Variants in CASC3 observed in about 807,000 individuals in gnomAD.
CASC3 encodes the protein CASC3 exon junction complex subunit.
In CASC3, 30 loss-of-function variants were observed where a neutral mutation model predicts 80.5. The ratio of observed to expected loss-of-function variants is 0.37; its 90% CI spans 0.28 to 0.51. The LOEUF is 0.51. Ranked by LOEUF, CASC3 falls within the 20% of genes least tolerant of loss-of-function variation. CASC3 has a pLI of 0.94. For missense variants in CASC3, 824 were observed against 922.2 expected, an observed-to-expected ratio of 0.89 and a Z score of 1.38; for synonymous variants, 312 against 333.6, an observed-to-expected ratio of 0.94 and a Z score of 0.70.
In CASC3 at chr17:40,171,840, C is replaced by T; in HGVS notation, c.*1435C>T. 1.7e-6 allele frequency: 2 copies of T among 1,186,642 alleles called. No homozygotes were observed. The allele number at this position is 1,186,642 out of a possible 1,614,324, so 73.5% of individuals were successfully genotyped here. A position where few individuals can be genotyped will look rare whatever the true frequency, so the allele number is the denominator to read the frequency against. ...AGCAGCTGGCCTAATCACTCTGAGT[C>T]ACAGGTGTGGGATGGAGAGTGGGGA... On this transcript the variant is annotated 3_prime_UTR_variant, in exon 14 of 14. Transcript: ENST00000264645.
In CASC3 at chr17:40,172,082, G is replaced by A; in HGVS notation, c.*1677G>A. ...TTTAGTTGCAAGGATTTTTCCATGT[G>A]TGGTGGTGTTTTTTGTTACTGTTTT... On this transcript the variant is annotated 3_prime_UTR_variant, in exon 14 of 14. Coordinates refer to ENST00000264645, the MANE Select transcript of CASC3 (RefSeq NM_007359.5). 1 of 1,289,954 alleles carries A rather than the reference G, an allele frequency of 7.8e-7. No homozygotes were observed. The highest frequency in any genetic ancestry group is 1.0e-6 in the Non-Finnish European group (1 of 988,864). The allele number at this position is 1,289,954 out of a possible 1,614,324, so 79.9% of individuals were successfully genotyped here.
At chr17:40,161,479 G>C (rs1037720820) in intron 3 of CASC3, among the ~76,000 whole-genome samples, 3 of 152,172 alleles carry the variant, frequency 2.0e-5, no homozygotes, top group Non-Finnish European at 4.4e-5. Flanking sequence ...AGGAGTTCAA[G>C]ACCAGCCTGG....
intron 3 of CASC3, among the ~76,000 whole-genome samples, chr17:40,156,562 G>A (rs896181466): frequency 3.9e-5 from 6 of 151,962 alleles, no homozygotes; most frequent in African/African-American, 1.2e-4. Context: ...GGTGGCGGGC[G>A]CCTGTAGTCC....
At chr17:40,159,553 T>G (rs1170444375) in intron 3 of CASC3, among the ~76,000 whole-genome samples, 21 of 138,196 alleles carry the variant, frequency 1.5e-4, no homozygotes, top group African/African-American at 2.0e-4. Flanking sequence ...TGTTTTTTTT[T>G]TTTTTTTTTT....
chr17:40,141,295 C>G, intron 2 of CASC3, 61 bp downstream of exon 2: 1 of 1,443,664 alleles, frequency 6.9e-7, no homozygotes, highest in Non-Finnish European at 9.8e-7. Context: ...CTCAGGTCAT[C>G]TATTTCCAAC....
intron 7 of CASC3, among the ~76,000 whole-genome samples, chr17:40,166,529 GA>G (rs71701084): frequency 0.08 from 12,190 of 152,154 alleles, 1,154 homozygotes; most frequent in African/African-American, 0.23. Flanking sequence ...AATTTGATAG[GA>G]AAAAATTTGA....
chr17:40,168,444 C>G (rs1414142062), intron 11 of CASC3, 27 bp downstream of exon 11: 1 of 1,584,766 alleles, frequency 6.3e-7, no homozygotes, highest in South Asian at 1.1e-5. Flanking sequence ...TCATGTTTTT[C>G]TAGATACACA....
At chr17:40,146,801 A>G (rs1224759498) in intron 3 of CASC3, among the ~76,000 whole-genome samples, 2 of 151,766 alleles carry the variant, frequency 1.3e-5, no homozygotes, top group African/African-American at 4.8e-5. Context: ...GCCCAGGCTG[A>G]TCTTGAACTG....
At position 40,167,498 on chromosome 17, in the gene CASC3, G is replaced by T. The variant is rs763489989; in HGVS notation, c.1537G>T (p.Gly513Cys). 7.4e-6 allele frequency: 12 copies of T among 1,612,020 alleles called. No individual in the cohort carries two copies. The highest frequency in any genetic ancestry group is 2.2e-5 in the East Asian group (1 of 44,886). Reference protein sequence around the residue: ...PPQFNRMEEMGVQGGRAKRYS... With the variant: ...PPQFNRMEEMCVQGGRAKRYS... Reference sequence around the variant, plus strand: ...GTTTAGGCCTCTTTCTTTGTCTCAGGGTGTCCAGGGTGGTCGAGCCAAACG... The same window carrying T: ...GTTTAGGCCTCTTTCTTTGTCTCAGTGTGTCCAGGGTGGTCGAGCCAAACG... Residue 513 changes from glycine (G) to cysteine (C), a missense_variant and splice_region_variant, in exon 9 of 14, where the codon GGT (glycine) becomes TGT (cysteine). Around this residue, in one of 3 missense-constraint regions of CASC3, gnomAD observed 464 missense variants for 506.0 expected, o/e 0.92. Coordinates refer to ENST00000264645, the MANE Select transcript of CASC3 (RefSeq NM_007359.5).
Position 40,163,993 on chromosome 17 carries a change from C to G in CASC3, c.1298C>G (p.Pro433Arg). Residue 433 changes from proline to arginine, a missense_variant, in exon 7 of 14, where the codon CCA becomes CGA. Transcript: ENST00000264645. ...CCCCCTCCTCCTGAAGGACTGATTC[C>G]AGCACCTCCAGTCCCAGAAACCACC... Reference protein sequence around the residue: ...EVPPPPEGLIPAPPVPETTPT... With the variant: ...EVPPPPEGLIRAPPVPETTPT... 1 of 1,614,078 alleles carries G rather than the reference C, an allele frequency of 6.2e-7. No individual in the cohort carries two copies. Among genetic ancestry groups the G allele is most frequent in the African/African-American group, 1.3e-5 (1 of 75,018 alleles).
intron 3 of CASC3, among the ~76,000 whole-genome samples, chr17:40,157,395 G>A (rs1228023820): frequency 6.6e-6 from 1 of 150,918 alleles, no homozygotes; most frequent in Non-Finnish European, 1.5e-5. Flanking sequence ...ATTAAAAGGG[G>A]CTGGGCGTGG....
intron 3 of CASC3, among the ~76,000 whole-genome samples, chr17:40,155,850 A>C (rs1989133299): frequency 6.6e-6 from 1 of 152,164 alleles, no homozygotes; most frequent in Admixed American, 6.6e-5. Flanking sequence ...CCCTTTGCCA[A>C]AGCAGTGTGA....
intron 3 of CASC3, 93 bp downstream of exon 3, chr17:40,141,700 T>A: frequency 1.1e-6 from 1 of 915,420 alleles, no homozygotes; most frequent in Non-Finnish European, 1.8e-6. Context: ...ATGACCTCCG[T>A]GTTTATCCTC....
At chr17:40,158,501 G>T (rs1989207417) in intron 3 of CASC3, among the ~76,000 whole-genome samples, 1 of 152,172 alleles carries the variant, frequency 6.6e-6, no homozygotes, top group African/African-American at 2.4e-5. Flanking sequence ...ATCTGGGGAG[G>T]ACAAGGAGAG....
chr17:40,162,914 T>G lies in CASC3; in HGVS notation c.785+13T>G. The G allele has an allele frequency of 1.2e-6, 2 of 1,612,682 alleles. No individual in the cohort carries two copies. Among genetic ancestry groups the G allele is most frequent in the East Asian group, 2.2e-5 (1 of 44,854 alleles). On this transcript the variant is annotated intron_variant, in intron 6 of 13. Coordinates refer to ENST00000264645, the MANE Select transcript of CASC3 (RefSeq NM_007359.5). The stretch of plus-strand genomic sequence containing the variant: ...TCCGGAAACCCCGGTGAGGACATTT[T>G]AGAACATAAGACCAGGCTGGGTATG...
chr17:40,151,237 A>G (rs575397843), intron 3 of CASC3, among the ~76,000 whole-genome samples: 1 of 151,976 alleles, frequency 6.6e-6, no homozygotes, highest in African/African-American at 2.4e-5. Context: ...TTTGAGACAG[A>G]GTCTTGCTCT....
intron 13 of CASC3, 79 bp downstream of exon 13, chr17:40,169,741 GCTTTTT>G: frequency 2.7e-5 from 3 of 109,542 alleles, no homozygotes; most frequent in East Asian, 2.7e-4. Context: ...CTTAATTAAT[GCTTTTT>G]TTTTTTTTTT....
intron 3 of CASC3, among the ~76,000 whole-genome samples, chr17:40,157,857 A>C (rs1989191968): frequency 6.6e-6 from 1 of 152,236 alleles, no homozygotes; most frequent in Non-Finnish European, 1.5e-5. Context: ...CTGTACTCTT[A>C]CAATGAAGCT....
At chr17:40,168,039 C>A in intron 10 of CASC3, 91 bp downstream of exon 10, 2 of 1,404,652 alleles carry the variant, frequency 1.4e-6, no homozygotes, top group Non-Finnish European at 2.0e-6. Context: ...CTTTGTGCTG[C>A]TAGCCTGGGA....
Sources: allele counts gnomAD v4.1 joint callset (sites outside exome capture counted in the v4.1 genomes callset), GRCh38; gene constraint gnomAD v4.1.1; regional missense constraint gnomAD v4.1.1; transcripts MANE v1.5; gene names NCBI Gene and HGNC (gene_info 2026-07-23, HGNC 2026-07-21).